The following INSRR variants were observed in gnomAD, a reference collection of about 807,000 sequenced individuals.
INSRR encodes the protein insulin receptor-related protein.
A neutral mutation model predicts 130.0 loss-of-function variants in INSRR; 114 were observed. The observed-to-expected ratio is 0.88, with a 90% CI of 0.75 to 1.02. INSRR has a LOEUF of 1.02. Ranked by LOEUF, INSRR falls within the 50% of genes least tolerant of loss-of-function variation. The probability of loss-of-function intolerance (pLI) is 0.00; values close to 1 mark genes in which losing one functional copy is unlikely to be tolerated. For missense variants in INSRR, 1,657 were observed against 1,735.2 expected, an observed-to-expected ratio of 0.95 and a Z score of 0.80; for synonymous variants, 674 against 705.2, an observed-to-expected ratio of 0.96 and a Z score of 0.70.
intron 1 of INSRR, among the ~76,000 whole-genome samples, chr1:156,855,500 C>T (rs989839075): frequency 7.2e-5 from 11 of 152,008 alleles, no homozygotes; most frequent in Admixed American, 1.3e-4. Context: ...CCACCACGCC[C>T]GGCCTGAACA....
chr1:156,846,061 C>T lies in INSRR; in HGVS notation c.1869G>A (p.Val623=). The T allele has an allele frequency of 8.1e-6, 13 of 1,612,036 alleles. No homozygotes were observed. Among genetic ancestry groups the T allele is most frequent in the Non-Finnish European group, 1.1e-5 (13 of 1,179,150 alleles). The part of the protein sequence containing the change: ...STSNSSSHLL[V]RWKPPTQRNG... ...TGCGCTGGGTCGGTGGCTTCCAGCG[C>T]ACCAGGAGGTGGGAGGAGGAGTTGG... Residue 623 remains valine, a synonymous_variant, in exon 9 of 22, where the codon GTG becomes GTA. Transcript: ENST00000368195.
In INSRR at chr1:156,844,629, G is replaced by T; in HGVS notation, c.2575-5C>A. On this transcript the variant is annotated splice_polypyrimidine_tract_variant and splice_region_variant and intron_variant, in intron 13 of 21. Transcript: ENST00000368195. ...CACACACAGCACTGTGGCCTCCTGA[G>T]AGTAACGCAGAACAGCTGGCTGGGA... 6.2e-7 allele frequency: 1 copy of T among 1,614,122 alleles called. No homozygotes were observed. Among genetic ancestry groups the T allele is most frequent in the Non-Finnish European group, 8.5e-7 (1 of 1,179,966 alleles).
chr1:156,840,915 A>C lies in INSRR; in HGVS notation c.3852T>G (p.Thr1284=), dbSNP rs756480637. The part of the protein sequence containing the change: ...TTDAEPDSSP[T]PRDCSPQNGG... ...CATTTTGAGGGCTGCAGTCTCTTGG[A>C]GTGGGTGAGGAGTCAGGCTCTGCAT... Residue 1284 remains threonine, a synonymous_variant, in exon 22 of 22, where the codon ACT becomes ACG. Transcript: ENST00000368195. 7.3e-5 allele frequency: 117 copies of C among 1,613,746 alleles called. No individual in the cohort carries two copies. The highest frequency in any genetic ancestry group is 9.7e-5 in the Non-Finnish European group (114 of 1,179,938).
Position 156,852,413 on chromosome 1 carries a change from C to T in INSRR, c.638-222G>A, listed in dbSNP as rs1395738034. On this transcript the variant is annotated intron_variant, in intron 2 of 21. Transcript: ENST00000368195. ...CTCCCCACCTCCCACAGTGCCTAGT[C>T]GGGGGTGTCAGAGCTCAGGACAGAG... Among the ~76,000 whole-genome samples, 15 of 152,044 alleles carry T rather than the reference C, an allele frequency of 9.9e-5. No individual in the cohort carries two copies. The East Asian group carries it at 1.2e-3, about 12-fold the overall frequency.
At chr1:156,841,613 C>T in intron 20 of INSRR, 52 bp downstream of exon 20, 6 of 1,609,882 alleles carry the variant, frequency 3.7e-6, no homozygotes, top group Non-Finnish European at 5.1e-6. Flanking sequence ...CAGGCCCCTC[C>T]CCAGATCCCG....
At position 156,858,593 on chromosome 1, in the gene INSRR, C is replaced by T. The variant is rs778776485; in HGVS notation, c.29G>A (p.Gly10Glu). MAVPSLWPW[G>E]ACLPVIFLSL... Reference sequence around the variant, plus strand: ...GAGGAAGATCACAGGCAGGCATGCTCCCCAGGGCCACAGACTAGGCACTGC... The same window carrying T: ...GAGGAAGATCACAGGCAGGCATGCTTCCCAGGGCCACAGACTAGGCACTGC... Residue 10 changes from glycine to glutamate, a missense_variant, in exon 1 of 22, where the codon GGA becomes GAA. Coordinates refer to ENST00000368195, the MANE Select transcript of INSRR (RefSeq NM_014215.3). 16 of 1,614,024 alleles carry T rather than the reference C, an allele frequency of 9.9e-6. No individual in the cohort carries two copies. In the Admixed American group the frequency reaches 2.5e-4, roughly 25 times the overall value.
At position 156,858,930 on chromosome 1, in the gene INSRR, G is replaced by C. The variant is rs538917250; in HGVS notation, c.-309C>G. 1 of 375,738 alleles carries C rather than the reference G, an allele frequency of 2.7e-6. No individual in the cohort carries two copies. The highest frequency in any genetic ancestry group is 4.8e-5 in the East Asian group (1 of 20,686). The allele number at this position is 375,738 out of a possible 1,614,324, so 23.3% of individuals were successfully genotyped here. A position where few individuals can be genotyped will look rare whatever the true frequency, so the allele number is the denominator to read the frequency against. On this transcript the variant is annotated 5_prime_UTR_variant, in exon 1 of 22. Transcript: ENST00000368195. ...CCTCCAGAGGGAGAAAATGACACAG[G>C]GTTCTGAGCAAAAGGCAGGCCGAGA...
chr1:156,850,246 C>G (rs1328943982), intron 5 of INSRR, among the ~76,000 whole-genome samples: 1 of 152,100 alleles, frequency 6.6e-6, no homozygotes, highest in Non-Finnish European at 1.5e-5. Flanking sequence ...GAGTCTCCCT[C>G]TGTCACCCAG....
At chr1:156,846,884 A>G in intron 7 of INSRR, 127 bp from the exon 8 acceptor site, 2 of 756,700 alleles carry the variant, frequency 2.6e-6, no homozygotes, top group Non-Finnish European at 4.5e-6. Context: ...CCATGACTCC[A>G]GCCACCTGTT....
chr1:156,845,568 CT>C, intron 10 of INSRR, 50 bp downstream of exon 10: 1 of 1,504,548 alleles, frequency 6.6e-7, no homozygotes, highest in Non-Finnish European at 8.9e-7. Context: ...AGACCCGCCC[CT>C]CACAGGCCCC....
At chr1:156,857,840 G>C (rs1417971320) in intron 1 of INSRR, among the ~76,000 whole-genome samples, 1 of 152,142 alleles carries the variant, frequency 6.6e-6, no homozygotes, top group African/African-American at 2.4e-5. Flanking sequence ...CCTTTTTGAA[G>C]CTTCCACCCT....
rs566770408 is a variant in INSRR, at chr1:156,846,489, G to A, written c.1810+30C>T. 9 of 1,562,062 alleles carry A rather than the reference G, an allele frequency of 5.8e-6. No homozygotes were observed. In the South Asian group the frequency reaches 7.8e-5, roughly 14 times the overall value. The stretch of plus-strand genomic sequence containing the variant: ...CCTGTTCTCATGGATGCAGGCGTCT[G>A]ACTGACTCTTGCACCCTCCAAATGC... On this transcript the variant is annotated intron_variant, in intron 8 of 21. Transcript: ENST00000368195.
Position 156,840,925 on chromosome 1 carries a change from G to C in INSRR, c.3842C>G (p.Ser1281Cys). 1 of 1,614,118 alleles carries C rather than the reference G, an allele frequency of 6.2e-7. No homozygotes were observed. The highest frequency in any genetic ancestry group is 8.5e-7 in the Non-Finnish European group (1 of 1,180,000). The change falls in exon 22 of 22, where the codon TCC becomes TGC. Residue 1281 changes from serine to cysteine, a missense_variant. By Grantham distance (112) the Ser-to-Cys change is moderately radical. Transcript: ENST00000368195. ...GCTGCAGTCTCTTGGAGTGGGTGAG[G>C]AGTCAGGCTCTGCATCGGTGGTAGG... ...SLPTTDAEPD[S>C]SPTPRDCSPQ...
chr1:156,844,778 G>T lies in INSRR; in HGVS notation c.2503C>A (p.Arg835Ser). The change falls in exon 13 of 22, where the codon CGC (arginine) becomes AGC (serine). Residue 835 changes from arginine (R) to serine (S), a missense_variant. Transcript: ENST00000368195. ...TTGGGGTCTGGTGGCTCGAGCCAGC[G>T]CAGAAGGACACTGTTCTTGCTGGAG... ...EASSKNSVLL[R>S]WLEPPDPNGL... 1 of 1,614,160 alleles carries T rather than the reference G, an allele frequency of 6.2e-7. No individual in the cohort carries two copies. The highest frequency in any genetic ancestry group is 8.5e-7 in the Non-Finnish European group (1 of 1,180,034).
rs758336621 is a variant in INSRR, at chr1:156,840,756, C to T, written c.*117G>A. 2 of 787,276 alleles carry T rather than the reference C, an allele frequency of 2.5e-6. No homozygotes were observed. Among genetic ancestry groups the T allele is most frequent in the Non-Finnish European group, 4.3e-6 (2 of 469,902 alleles). 48.8% of individuals were successfully genotyped at this position (787,276 alleles called of 1,614,324 possible). On this transcript the variant is annotated 3_prime_UTR_variant, in exon 22 of 22. Transcript: ENST00000368195. ...TCCCTGCTCCTGTTCTCTGCCCCAC[C>T]CTCGGCCATCCCTTGCCCTGAGTTG... is the stretch of plus-strand genomic sequence containing the variant.
Position 156,851,285 on chromosome 1 carries a change from C to T in INSRR, c.1229+5G>A. The T allele has an allele frequency of 6.2e-7, 1 of 1,614,134 alleles. No homozygotes were observed. The highest frequency in any genetic ancestry group is 8.5e-7 in the Non-Finnish European group (1 of 1,180,000). On this transcript the variant is annotated splice_donor_5th_base_variant and intron_variant, in intron 5 of 21. Coordinates refer to ENST00000368195, the MANE Select transcript of INSRR (RefSeq NM_014215.3). ...GAAGGAGCTGGTCAGAGGCCTAACC[C>T]TTACCCATCCACCATGGCGTCTCCC...
intron 12 of INSRR, 97 bp downstream of exon 12, chr1:156,844,979 G>A: frequency 1.3e-6 from 2 of 1,533,348 alleles, no homozygotes; most frequent in Non-Finnish European, 1.8e-6. Context: ...CAAGCAAAGC[G>A]AGGCTCTGGG....
chr1:156,842,809 C>T (rs1654846967), intron 17 of INSRR, among the ~76,000 whole-genome samples, 195 bp downstream of exon 17: 1 of 152,172 alleles, frequency 6.6e-6, no homozygotes, highest in African/African-American at 2.4e-5. Flanking sequence ...CAGCCCTAGC[C>T]ATGACTCTAC....
chr1:156,856,476 G>A (rs772969646), intron 1 of INSRR, among the ~76,000 whole-genome samples: 17 of 152,144 alleles, frequency 1.1e-4, no homozygotes, highest in Non-Finnish European at 2.2e-4. Context: ...ACATTGTAGG[G>A]TGTAGATAAA....
Sources: gnomAD v4.1 joint callset for allele counts (sites outside exome capture counted in the v4.1 genomes callset) on GRCh38, gnomAD v4.1.1 for gene constraint, MANE v1.5 for transcripts, NCBI Gene and HGNC (gene_info 2026-07-23, HGNC 2026-07-21) for gene names.